Variants in MAD1L1 observed in about 807,000 individuals in gnomAD.
MAD1L1 encodes the protein mitotic arrest deficient 1 like 1.
MAD1L1 carries 95 observed loss-of-function variants against 96.9 expected under a neutral mutation model. The ratio of observed to expected loss-of-function variants is 0.98; its 90% CI spans 0.83 to 1.16. MAD1L1 has a LOEUF of 1.16. MAD1L1 is among the 50% of genes most tolerant of loss of function. The probability of loss-of-function intolerance (pLI) is 0.00; values close to 1 mark genes in which losing one functional copy is unlikely to be tolerated. For synonymous variants in MAD1L1, 473 were observed against 396.6 expected (o/e 1.19, Z -2.29); for missense variants, 1,007 against 954.4 (o/e 1.06, Z -0.73).
intron 10 of MAD1L1, among the ~76,000 whole-genome samples, chr7:2,158,801 A>C (rs1317599690): frequency 6.6e-6 from 1 of 151,062 alleles, no homozygotes; most frequent in Non-Finnish European, 1.5e-5. Flanking sequence ...CAGGGGACTA[A>C]TGCCATGCTG....
chr7:2,053,946 C>A (rs11765426), intron 12 of MAD1L1, among the ~76,000 whole-genome samples: 1 of 152,238 alleles, frequency 6.6e-6, no homozygotes, highest in African/African-American at 2.4e-5. Flanking sequence ...CAGAAATGCC[C>A]TCATCGGGGT....
chr7:1,815,801 G>A lies in MAD1L1; in HGVS notation c.*269C>T, dbSNP rs1781762234. On this transcript the variant is annotated 3_prime_UTR_variant, in exon 19 of 19. Transcript: ENST00000265854. ...CACAGGGCGAGTGGGAGTGTCTAGG[G>A]GAGAAGATTTTATTTCACAAGGTGA... 1 of 483,398 alleles carries A rather than the reference G, an allele frequency of 2.1e-6. No homozygotes were observed. The highest frequency in any genetic ancestry group is 3.7e-6 in the Non-Finnish European group (1 of 267,618). The allele number at this position is 483,398 out of a possible 1,614,324, so 29.9% of individuals were successfully genotyped here. A position where few individuals can be genotyped will look rare whatever the true frequency, so the allele number is the denominator to read the frequency against.
intron 15 of MAD1L1, among the ~76,000 whole-genome samples, chr7:1,965,643 G>A (rs1192867492): frequency 6.6e-6 from 1 of 152,262 alleles, no homozygotes; most frequent in African/African-American, 2.4e-5. Flanking sequence ...CCCTGCCTCT[G>A]CTCTTCGCAC....
intron 14 of MAD1L1, among the ~76,000 whole-genome samples, chr7:1,988,959 G>A (rs1011427396): frequency 6.6e-6 from 1 of 152,246 alleles, no homozygotes; most frequent in Non-Finnish European, 1.5e-5. Flanking sequence ...CAGCAAGACT[G>A]AGAGCCCTTC....
chr7:1,888,507 T>G (rs985956295), intron 18 of MAD1L1, among the ~76,000 whole-genome samples: 1 of 150,412 alleles, frequency 6.6e-6, no homozygotes, highest in Non-Finnish European at 1.5e-5. Flanking sequence ...TGGCTGCCTG[T>G]TCGTGTGTGT....
chr7:1,868,155 C>G (rs1227058239), intron 18 of MAD1L1, among the ~76,000 whole-genome samples: 1 of 152,224 alleles, frequency 6.6e-6, no homozygotes, highest in Non-Finnish European at 1.5e-5. Flanking sequence ...GCCCCCCAGA[C>G]ACCAGCACTC....
intron 14 of MAD1L1, among the ~76,000 whole-genome samples, chr7:1,994,815 G>A (rs750460555): frequency 6.6e-6 from 1 of 152,196 alleles, no homozygotes; most frequent in Admixed American, 6.5e-5. Context: ...GCAGAACCGT[G>A]AGCAACAAAT....
chr7:1,981,649 G>A (rs192267492), intron 14 of MAD1L1, among the ~76,000 whole-genome samples: 186 of 152,284 alleles, frequency 1.2e-3, no homozygotes, highest in Admixed American at 4.9e-3. Context: ...CCTCAGGGAG[G>A]GAAGGACAGG....
chr7:1,948,196 GCAC>G (rs541303449), intron 16 of MAD1L1, among the ~76,000 whole-genome samples: 29 of 152,222 alleles, frequency 1.9e-4, no homozygotes, highest in African/African-American at 6.7e-4. Context: ...TCCAGCACAC[GCAC>G]CATGGCCAGG....
At chr7:2,061,820 A>T (rs889947779) in intron 12 of MAD1L1, among the ~76,000 whole-genome samples, 17 of 152,392 alleles carry the variant, frequency 1.1e-4, no homozygotes, top group African/African-American at 2.2e-4. Context: ...AAAACTTAAC[A>T]GAGTAATTAA....
At chr7:2,013,635 G>A (rs1782400584) in intron 13 of MAD1L1, among the ~76,000 whole-genome samples, 1 of 152,272 alleles carries the variant, frequency 6.6e-6, no homozygotes, top group Non-Finnish European at 1.5e-5. Flanking sequence ...GGCGGCGTGT[G>A]CCAGCGAGGC....
chr7:1,927,134 A>C (rs1028219628), intron 17 of MAD1L1, among the ~76,000 whole-genome samples: 26 of 152,220 alleles, frequency 1.7e-4, no homozygotes, highest in African/African-American at 4.8e-4. Context: ...ACATAGCTCC[A>C]ACACTAACAA....
At chr7:1,860,066 G>A (rs1371617651) in intron 18 of MAD1L1, among the ~76,000 whole-genome samples, 1 of 147,192 alleles carries the variant, frequency 6.8e-6, no homozygotes, top group Non-Finnish European at 1.5e-5. Context: ...GACATCTGGC[G>A]GGGCGGCCTC....
At chr7:1,848,028 C>G (rs374687120) in intron 18 of MAD1L1, 2 of 336,506 alleles carry the variant, frequency 5.9e-6, no homozygotes, top group African/African-American at 4.3e-5. Flanking sequence ...GACAGAGAAG[C>G]GGCTGGGAGT....
chr7:2,002,002 C>A, intron 14 of MAD1L1, 63 bp downstream of exon 14: 1 of 1,547,006 alleles, frequency 6.5e-7, no homozygotes, highest in Non-Finnish European at 8.9e-7. Flanking sequence ...TGGGGACAGG[C>A]GTCCCTGCCC....
chr7:1,930,558 G>T (rs1309816880), intron 17 of MAD1L1, among the ~76,000 whole-genome samples: 1 of 88,604 alleles, frequency 1.1e-5, no homozygotes. Context: ...CACCGTGTCC[G>T]CTCACCCCAC....
At chr7:2,232,679 G>T (rs1562396990) in intron 1 of MAD1L1, among the ~76,000 whole-genome samples, 193 bp downstream of exon 1, 1 of 152,172 alleles carries the variant, frequency 6.6e-6, no homozygotes, top group Non-Finnish European at 1.5e-5. Flanking sequence ...AGTGGGGAGA[G>T]GAGGGGAGAG....
Position 1,824,176 on chromosome 7 carries a change from G to A in MAD1L1, c.1999-7948C>T, listed in dbSNP as rs371313959. Among the ~76,000 whole-genome samples, 15 of 152,186 alleles carry A rather than the reference G, an allele frequency of 9.9e-5. No homozygotes were observed. In the East Asian group the frequency reaches 1.9e-3, roughly 20 times the overall value. On this transcript the variant is annotated intron_variant, in intron 18 of 18. Transcript: ENST00000265854. ...CCCTCAACAGACCTTCCAGATAGAC[G>A]GCTCAATCCTGACTTGAGCACTGCC...
intron 16 of MAD1L1, among the ~76,000 whole-genome samples, chr7:1,948,293 G>T (rs915781632): frequency 5.9e-4 from 89 of 152,136 alleles, no homozygotes; most frequent in Non-Finnish European, 1.2e-3. Flanking sequence ...CTGCGCCATG[G>T]GCCCCAGCAA....
Sources: allele counts gnomAD v4.1 joint callset (sites outside exome capture counted in the v4.1 genomes callset), GRCh38; gene constraint gnomAD v4.1.1; transcripts MANE v1.5; gene names NCBI Gene and HGNC (gene_info 2026-07-23, HGNC 2026-07-21).